RBFOX1: variants seen among roughly 807,000 people sequenced by gnomAD.
RBFOX1 encodes RNA binding fox-1 homolog 1.
A neutral mutation model predicts 57.7 loss-of-function variants in RBFOX1; 8 were observed. The ratio of observed to expected loss-of-function variants is 0.14; its 90% confidence interval spans 0.08 to 0.25. RBFOX1 has a LOEUF of 0.25. Ranked by LOEUF, RBFOX1 falls within the 10% of genes least tolerant of loss-of-function variation. The pLI is 1.00. For synonymous variants in RBFOX1, 326 were observed against 222.4 expected, an observed-to-expected ratio of 1.47 and a Z score of -4.15; for missense variants, 611 against 548.5, an observed-to-expected ratio of 1.11 and a Z score of -1.14.
chr16:5,883,468 A>G (rs868122898), intron 4 of RBFOX1, among the ~76,000 whole-genome samples: 23 of 152,104 alleles, frequency 1.5e-4, no homozygotes, highest in Non-Finnish European at 2.5e-4. Context: ...GCATCTTACC[A>G]TATTGGTAAG....
intron 3 of RBFOX1, among the ~76,000 whole-genome samples, chr16:5,668,991 T>G (rs2049935169): frequency 6.6e-6 from 1 of 152,144 alleles, no homozygotes. Context: ...ATTACAGAAT[T>G]TAAATGAAAA....
In RBFOX1 at chr16:6,297,597, G is replaced by C. The variant is rs11649399; in HGVS notation, c.-126-19398G>C. 1.3e-5 allele frequency among the ~76,000 whole-genome samples: 2 copies of C among 152,006 alleles called. 1 individual carries two copies. Among genetic ancestry groups the C allele is most frequent in the African/African-American group, 4.8e-5 (2 of 41,318 alleles). On this transcript the variant is annotated intron_variant, in intron 1 of 15. Transcript: ENST00000550418. ...AGAAGAGGGCAGTTCCTTGGCAAAGGCTTCACCCTCAAGCCTGGATACTTG... is the reference window on the plus strand; with the variant it reads ...AGAAGAGGGCAGTTCCTTGGCAAAGCCTTCACCCTCAAGCCTGGATACTTG...
intron 3 of RBFOX1, among the ~76,000 whole-genome samples, chr16:6,797,496 ATG>A (rs1385948461): frequency 6.6e-6 from 1 of 152,168 alleles, no homozygotes; most frequent in Non-Finnish European, 1.5e-5. Context: ...TACAAGCCTA[ATG>A]TTGCTGATTT....
intron 4 of RBFOX1, among the ~76,000 whole-genome samples, chr16:7,311,313 A>G (rs1193625414): frequency 6.6e-6 from 1 of 152,078 alleles, no homozygotes; most frequent in Admixed American, 6.5e-5. Flanking sequence ...TGGAGTGGAA[A>G]GCATTCAGAA....
At chr16:7,074,242 G>A (rs564144491) in intron 4 of RBFOX1, among the ~76,000 whole-genome samples, 27 of 152,298 alleles carry the variant, frequency 1.8e-4, no homozygotes, top group African/African-American at 6.3e-4. Flanking sequence ...ATATTGTAGG[G>A]TTTATAGGAA....
intron 4 of RBFOX1, among the ~76,000 whole-genome samples, chr16:7,294,145 G>C (rs1017839342): frequency 5.3e-5 from 8 of 152,064 alleles, no homozygotes; most frequent in African/African-American, 1.9e-4. Context: ...AGAGTGGGTG[G>C]GGTGGAGGGT....
chr16:7,250,770 A>C (rs1225551499), intron 4 of RBFOX1, among the ~76,000 whole-genome samples: 1 of 152,162 alleles, frequency 6.6e-6, no homozygotes, highest in Non-Finnish European at 1.5e-5. Context: ...CCTTTATGTC[A>C]TTCTACCAAA....
At chr16:7,703,192 T>C (rs373749601) in intron 14 of RBFOX1, among the ~76,000 whole-genome samples, 48 of 152,338 alleles carry the variant, frequency 3.2e-4, no homozygotes, top group African/African-American at 1.0e-3. Context: ...CTTAAGACTA[T>C]GCCTTAGATA....
intron 4 of RBFOX1, among the ~76,000 whole-genome samples, chr16:7,100,001 T>A (rs1291744826): frequency 1.3e-5 from 2 of 151,974 alleles, no homozygotes; most frequent in African/African-American, 4.8e-5. Flanking sequence ...TCTGAACCAG[T>A]CTTTCAGGTT....
At chr16:6,692,231 T>C (rs1044872086) in intron 3 of RBFOX1, among the ~76,000 whole-genome samples, 2 of 152,204 alleles carry the variant, frequency 1.3e-5, no homozygotes, top group Non-Finnish European at 2.9e-5. Context: ...ACTAACTCAG[T>C]GACCTCCCTG....
chr16:7,002,598 G>A (rs1465427292), intron 3 of RBFOX1, among the ~76,000 whole-genome samples: 1 of 152,120 alleles, frequency 6.6e-6, no homozygotes, highest in East Asian at 1.9e-4. Flanking sequence ...TGTCATCCCA[G>A]CCACTCGGGA....
intron 4 of RBFOX1, among the ~76,000 whole-genome samples, chr16:7,497,032 T>G (rs557956000): frequency 6.6e-6 from 1 of 152,246 alleles, no homozygotes; most frequent in South Asian, 2.1e-4. Context: ...ATTGCCTCTC[T>G]CCATGTCCCC....
At chr16:5,548,158 TAA>T (rs59117140) in intron 2 of RBFOX1, among the ~76,000 whole-genome samples, 1,633 of 82,254 alleles carry the variant, frequency 0.02, 90 homozygotes, top group African/African-American at 0.07. Context: ...AAGACTCTGT[TAA>T]AAAAAAAAAA....
chr16:5,671,457 G>A (rs2050009991), intron 3 of RBFOX1, among the ~76,000 whole-genome samples: 1 of 152,194 alleles, frequency 6.6e-6, no homozygotes, highest in Non-Finnish European at 1.5e-5. Flanking sequence ...TTTCTTTAAT[G>A]TCTGTTTTTA....
intron 3 of RBFOX1, among the ~76,000 whole-genome samples, chr16:7,036,306 C>G (rs2044402890): frequency 6.6e-6 from 1 of 151,878 alleles, no homozygotes; most frequent in African/African-American, 2.4e-5. Flanking sequence ...CATCCTAAAA[C>G]TTTCAGAAGC....
At chr16:7,098,726 G>C (rs1311479489) in intron 4 of RBFOX1, among the ~76,000 whole-genome samples, 1 of 152,072 alleles carries the variant, frequency 6.6e-6, no homozygotes, top group African/African-American at 2.4e-5. Context: ...GAGGCAGGAG[G>C]ATCATTTGAG....
intron 4 of RBFOX1, among the ~76,000 whole-genome samples, chr16:7,225,152 C>G (rs1340940225): frequency 1.3e-5 from 2 of 152,142 alleles, no homozygotes; most frequent in African/African-American, 4.8e-5. Flanking sequence ...TATCTTAAAT[C>G]CATGGTCACC....
intron 3 of RBFOX1, among the ~76,000 whole-genome samples, chr16:5,702,774 G>A (rs554059869): frequency 8.5e-5 from 13 of 152,236 alleles, no homozygotes; most frequent in African/African-American, 2.6e-4. Context: ...GCTGCTTGGG[G>A]GTTGGCAAGT....
intron 4 of RBFOX1, among the ~76,000 whole-genome samples, chr16:7,154,682 C>T (rs1052584219): frequency 7.4e-6 from 1 of 134,758 alleles, no homozygotes; most frequent in East Asian, 2.2e-4. Flanking sequence ...AGACCCTCTT[C>T]CTTTGTGTGT....
Sources: allele counts gnomAD v4.1 joint callset (sites outside exome capture counted in the v4.1 genomes callset), GRCh38; gene constraint gnomAD v4.1.1; transcripts MANE v1.5; gene names NCBI Gene and HGNC (gene_info 2026-07-23, HGNC 2026-07-21).